SDK1: variants seen among roughly 807,000 people sequenced by gnomAD.
SDK1 encodes protein sidekick-1.
SDK1 carries 157 observed loss-of-function variants against 245.5 expected under a neutral mutation model. That is an observed-to-expected ratio of 0.64 (90% confidence interval 0.56 to 0.73). The LOEUF is 0.73. Ranked by LOEUF, SDK1 falls within the 30% of genes least tolerant of loss-of-function variation. The pLI, the probability that SDK1 is intolerant of heterozygous loss-of-function variation, is 0.00. For missense variants in SDK1, 3,583 were observed against 3,002.3 expected (o/e 1.19, Z -4.52); for synonymous variants, 1,647 against 1,278.5 (o/e 1.29, Z -6.15).
chr7:4,162,512 G>A (rs1338594845), intron 32 of SDK1, among the ~76,000 whole-genome samples: 1 of 151,724 alleles, frequency 6.6e-6, no homozygotes, highest in Non-Finnish European at 1.5e-5. Context: ...CGATTCTCCT[G>A]CCTCAGCCTC....
intron 5 of SDK1, among the ~76,000 whole-genome samples, chr7:3,827,036 C>T (rs901345633): frequency 2.6e-5 from 4 of 152,178 alleles, no homozygotes; most frequent in African/African-American, 7.2e-5. Flanking sequence ...CATCTCTTTC[C>T]ATCCCAAGGT....
chr7:4,098,501 C>T, intron 22 of SDK1, among the ~76,000 whole-genome samples: 1 of 152,076 alleles, frequency 6.6e-6, no homozygotes, highest in African/African-American at 2.4e-5. Context: ...CCCATTCACC[C>T]AGCAGACACT....
At chr7:3,863,592 T>C (rs1780748625) in intron 5 of SDK1, among the ~76,000 whole-genome samples, 1 of 152,168 alleles carries the variant, frequency 6.6e-6, no homozygotes, top group East Asian at 1.9e-4. Flanking sequence ...TCATCCTCCC[T>C]CTTCAGCATC....
chr7:3,995,638 C>T (rs961937848), intron 14 of SDK1, among the ~76,000 whole-genome samples: 2 of 152,196 alleles, frequency 1.3e-5, no homozygotes, highest in South Asian at 2.1e-4. Flanking sequence ...AGATACCCTC[C>T]TGTGTCTTCA....
intron 4 of SDK1, among the ~76,000 whole-genome samples, chr7:3,782,101 A>G (rs1026770184): frequency 6.6e-6 from 1 of 152,230 alleles, no homozygotes; most frequent in East Asian, 1.9e-4. Context: ...AGACTGGGTA[A>G]TTTATGAGGA....
chr7:3,352,887 G>A (rs1212909314), intron 1 of SDK1, among the ~76,000 whole-genome samples: 2 of 151,888 alleles, frequency 1.3e-5, no homozygotes, highest in Admixed American at 6.6e-5. Context: ...AATCTAAATC[G>A]GAACAGGCAC....
intron 1 of SDK1, among the ~76,000 whole-genome samples, chr7:3,317,738 C>G (rs937082564): frequency 1.3e-5 from 2 of 152,160 alleles, no homozygotes; most frequent in Admixed American, 6.5e-5. Flanking sequence ...TTGACAGGCA[C>G]TGTTAACAGG....
chr7:4,158,525 C>T lies in SDK1; in HGVS notation c.4703C>T (p.Thr1568Ile), dbSNP rs1316558550. ...GGGGACAGTGACTTCAGTTCAGAGA[C>T]AGAGGCGGTGACCACGCTGCAGGAT... ...DIGDSDFSSE[T>I]EAVTTLQDVP... Residue 1568 changes from threonine to isoleucine, a missense_variant, in exon 31 of 45, where the codon ACA (threonine) becomes ATA (isoleucine). By Grantham distance (89) the Thr-to-Ile change is moderately conservative. Coordinates refer to ENST00000404826, the MANE Select transcript of SDK1 (RefSeq NM_152744.4). The T allele has an allele frequency of 6.2e-7, 1 of 1,613,700 alleles. No homozygotes were observed. Among genetic ancestry groups the T allele is most frequent in the African/African-American group, 1.3e-5 (1 of 75,062 alleles).
At chr7:3,628,182 G>C (rs903008746) in intron 2 of SDK1, among the ~76,000 whole-genome samples, 6 of 152,096 alleles carry the variant, frequency 3.9e-5, no homozygotes, top group Admixed American at 3.9e-4. Flanking sequence ...CTATCAATTG[G>C]TGAGGCCTGT....
chr7:3,348,589 G>C (rs1157445013), intron 1 of SDK1, among the ~76,000 whole-genome samples: 1 of 152,174 alleles, frequency 6.6e-6, no homozygotes, highest in Non-Finnish European at 1.5e-5. Context: ...AAACCTACCT[G>C]TTGGGTACTA....
intron 1 of SDK1, among the ~76,000 whole-genome samples, chr7:3,368,314 A>C (rs1006922463): frequency 6.6e-6 from 1 of 152,174 alleles, no homozygotes; most frequent in Non-Finnish European, 1.5e-5. Context: ...ATTGACATCA[A>C]AGTTACTTGT....
intron 2 of SDK1, among the ~76,000 whole-genome samples, chr7:3,638,529 C>G (rs1274762437): frequency 6.7e-6 from 1 of 149,608 alleles, no homozygotes; most frequent in African/African-American, 2.5e-5. Context: ...CAAACTAACA[C>G]AAGGACAAAA....
intron 4 of SDK1, among the ~76,000 whole-genome samples, chr7:3,659,212 A>G (rs1783280857): frequency 6.6e-6 from 1 of 151,824 alleles, no homozygotes; most frequent in Admixed American, 6.6e-5. Flanking sequence ...GTGGGGGTAA[A>G]GAAGGGACAT....
At chr7:4,022,269 C>T (rs911209378) in intron 17 of SDK1, among the ~76,000 whole-genome samples, 7 of 152,162 alleles carry the variant, frequency 4.6e-5, no homozygotes, top group East Asian at 1.9e-4. Flanking sequence ...GCAGGAAATG[C>T]CCAGCCAGGA....
At chr7:3,724,551 G>C (rs188316695) in intron 4 of SDK1, among the ~76,000 whole-genome samples, 1 of 152,244 alleles carries the variant, frequency 6.6e-6, no homozygotes, top group Non-Finnish European at 1.5e-5. Flanking sequence ...CCTTCCAAGG[G>C]GCCTAATATT....
At chr7:3,957,546 A>G (rs865974772) in intron 7 of SDK1, among the ~76,000 whole-genome samples, 2 of 152,282 alleles carry the variant, frequency 1.3e-5, no homozygotes, top group South Asian at 2.1e-4. Context: ...TGTCGAATGT[A>G]TGTTTTTTTC....
chr7:3,666,362 C>T (rs1187389434), intron 4 of SDK1, among the ~76,000 whole-genome samples: 6 of 152,162 alleles, frequency 3.9e-5, no homozygotes, highest in African/African-American at 9.7e-5. Context: ...TTGCACATGC[C>T]GTCCCCCTGC....
At chr7:3,787,146 TCACACA>T (rs34838736) in intron 4 of SDK1, among the ~76,000 whole-genome samples, 103 of 137,728 alleles carry the variant, frequency 7.5e-4, no homozygotes, top group Admixed American at 1.8e-3. Context: ...AGTATTGAAA[TCACACA>T]CACACACACA....
chr7:3,893,281 C>G (rs143592000), intron 5 of SDK1, among the ~76,000 whole-genome samples: 1 of 152,146 alleles, frequency 6.6e-6, no homozygotes, highest in South Asian at 2.1e-4. Context: ...AATATGGGCA[C>G]GGGGGTCATC....
Sources: allele counts gnomAD v4.1 joint callset (sites outside exome capture counted in the v4.1 genomes callset), GRCh38; gene constraint gnomAD v4.1.1; transcripts MANE v1.5; gene names NCBI Gene and HGNC (gene_info 2026-07-23, HGNC 2026-07-21).